Variants in SPMIP2 observed in about 807,000 individuals in gnomAD.
The protein encoded by SPMIP2 is protein SPMIP2.
At chr4:158,949,717 A>C in the SPMIP2 span, among the ~76,000 whole-genome samples, 14 of 152,188 alleles carry the variant, frequency 9.2e-5, no homozygotes, top group Non-Finnish European at 4.4e-5. Flanking sequence ...TAGTGAACCC[A>C]ATTTTCTTGA....
At chr4:159,036,924 G>A in the SPMIP2 span, among the ~76,000 whole-genome samples, 1 of 152,126 alleles carries the variant, frequency 6.6e-6, no homozygotes, top group Non-Finnish European at 1.5e-5. Context: ...GCTCCTAGTT[G>A]TGTCTTTGAA....
At chr4:158,955,114 TA>T in the SPMIP2 span, among the ~76,000 whole-genome samples, 1 of 152,144 alleles carries the variant, frequency 6.6e-6, no homozygotes, top group Non-Finnish European at 1.5e-5. Context: ...TATACATTTT[TA>T]AAAAATCAAA....
At chr4:159,046,050 G>C in the SPMIP2 span, among the ~76,000 whole-genome samples, 1 of 152,124 alleles carries the variant, frequency 6.6e-6, no homozygotes, top group East Asian at 1.9e-4. Context: ...AGAAGTTCGA[G>C]ACCAGCCTTG....
the SPMIP2 span, among the ~76,000 whole-genome samples, chr4:159,082,533 C>A: frequency 7.0e-6 from 1 of 142,426 alleles, no homozygotes; most frequent in South Asian, 2.3e-4. Flanking sequence ...CAAATATGAA[C>A]CTGGAAAAAA....
chr4:158,986,532 A>G, the SPMIP2 span, among the ~76,000 whole-genome samples: 3 of 152,106 alleles, frequency 2.0e-5, no homozygotes, highest in Admixed American at 1.3e-4. Context: ...CAATGGAGAA[A>G]GGATTCCCTA....
chr4:159,000,552 T>C, the SPMIP2 span, among the ~76,000 whole-genome samples: 1 of 149,584 alleles, frequency 6.7e-6, no homozygotes, highest in Non-Finnish European at 1.5e-5. Flanking sequence ...TGGAGTGCAC[T>C]GGTGCAATCT....
the SPMIP2 span, among the ~76,000 whole-genome samples, chr4:158,973,826 A>T: frequency 3.9e-5 from 6 of 151,914 alleles, no homozygotes; most frequent in African/African-American, 1.2e-4. Context: ...TGTCTCTACA[A>T]AAAATAAAAA....
the SPMIP2 span, among the ~76,000 whole-genome samples, chr4:158,974,162 A>G: frequency 1.3e-5 from 2 of 152,046 alleles, no homozygotes; most frequent in African/African-American, 2.4e-5. Flanking sequence ...GAAAATTGTT[A>G]GATGAGGGTA....
chr4:158,969,896 A>C, the SPMIP2 span, among the ~76,000 whole-genome samples: 10 of 152,216 alleles, frequency 6.6e-5, no homozygotes, highest in Admixed American at 1.3e-4. Flanking sequence ...AGTTAGACTA[A>C]AACAAGAAGT....
the SPMIP2 span, among the ~76,000 whole-genome samples, chr4:158,972,264 A>C: frequency 6.6e-6 from 1 of 152,216 alleles, no homozygotes; most frequent in Non-Finnish European, 1.5e-5. Context: ...TGGGAGGCTG[A>C]GGCAGGAGAA....
At chr4:158,979,781 T>C in the SPMIP2 span, among the ~76,000 whole-genome samples, 1 of 140,760 alleles carries the variant, frequency 7.1e-6, no homozygotes, top group African/African-American at 2.7e-5. Flanking sequence ...ACTGAGCTAG[T>C]TGCAAGAGTT....
the SPMIP2 span, chr4:159,007,446 G>A: frequency 4.4e-6 from 3 of 678,876 alleles, no homozygotes; most frequent in Non-Finnish European, 8.3e-6. Context: ...GTTAAGCCAG[G>A]AGTCTGTAGT....
chr4:158,981,351 G>A, the SPMIP2 span, among the ~76,000 whole-genome samples: 1 of 152,098 alleles, frequency 6.6e-6, no homozygotes, highest in African/African-American at 2.4e-5. Context: ...AGGAAATACA[G>A]AGAACACCAT....
At chr4:159,049,602 C>A in the SPMIP2 span, among the ~76,000 whole-genome samples, 2 of 152,188 alleles carry the variant, frequency 1.3e-5, no homozygotes, top group Non-Finnish European at 2.9e-5. Flanking sequence ...AGCTTCTCTT[C>A]TAGCTATTTT....
the SPMIP2 span, among the ~76,000 whole-genome samples, chr4:158,982,250 T>A: frequency 0.011 from 1,600 of 152,210 alleles, 17 homozygotes; most frequent in Middle Eastern, 0.048. Context: ...TACAAAGAGA[T>A]GTAAAGTCTC....
chr4:159,061,858 T>C, the SPMIP2 span, among the ~76,000 whole-genome samples: 1 of 147,798 alleles, frequency 6.8e-6, no homozygotes, highest in African/African-American at 2.5e-5. Flanking sequence ...AGGAGCACCA[T>C]GGAAACTGGA....
chr4:159,040,797 G>A, the SPMIP2 span, among the ~76,000 whole-genome samples: 18 of 152,238 alleles, frequency 1.2e-4, no homozygotes, highest in South Asian at 2.9e-3. Flanking sequence ...CTATATTCAG[G>A]AAATAATCTG....
chr4:159,009,487 T>C, the SPMIP2 span, among the ~76,000 whole-genome samples: 3 of 152,206 alleles, frequency 2.0e-5, no homozygotes, highest in Non-Finnish European at 4.4e-5. Context: ...TTAATTAATG[T>C]ACCAAGACTA....
At chr4:158,904,496 T>A in the SPMIP2 span, 2 of 1,613,402 alleles carry the variant, frequency 1.2e-6, no homozygotes, top group South Asian at 2.2e-5. Context: ...CTCTGTTGAC[T>A]GCTATTGCCA....
Sources: gnomAD v4.1 joint callset for allele counts (sites outside exome capture counted in the v4.1 genomes callset) on GRCh38, gnomAD v4.1.1 for gene constraint, MANE v1.5 for transcripts, NCBI Gene and HGNC (gene_info 2026-07-23, HGNC 2026-07-21) for gene names.